The following SMARCA5 variants were observed in gnomAD, a reference collection of about 807,000 sequenced individuals.
The protein encoded by SMARCA5 is SWI/SNF-related matrix-associated actin-dependent regulator of chromatin subfamily A member 5.
A neutral mutation model predicts 140.4 loss-of-function variants in SMARCA5; 18 were observed. The ratio of observed to expected loss-of-function variants is 0.13; its 90% CI spans 0.09 to 0.19. The LOEUF (loss-of-function observed/expected upper bound fraction) is 0.19, where lower values mean the gene tolerates loss of function less well. Ranked by LOEUF, SMARCA5 falls within the 10% of genes least tolerant of loss-of-function variation. The pLI, the probability that SMARCA5 is intolerant of heterozygous loss-of-function variation, is 1.00. For synonymous variants in SMARCA5, 449 were observed against 419.6 expected, an observed-to-expected ratio of 1.07 and a Z score of -0.86; for missense variants, 606 against 1,276.8, an observed-to-expected ratio of 0.47 and a Z score of 8.01.
intron 9 of SMARCA5, among the ~76,000 whole-genome samples, chr4:143,534,034 A>G (rs908072378): frequency 2.6e-5 from 4 of 152,216 alleles, no homozygotes; most frequent in Admixed American, 1.3e-4. Context: ...GAAGTCTATC[A>G]ATAAACACCG....
chr4:143,522,196 C>A (rs1191126661), intron 3 of SMARCA5, among the ~76,000 whole-genome samples: 1 of 152,048 alleles, frequency 6.6e-6, no homozygotes, highest in Admixed American at 6.5e-5. Context: ...ATCACGGCAG[C>A]CTGTTTAAAA....
chr4:143,536,702 A>G (rs1270775012), intron 11 of SMARCA5, 24 bp downstream of exon 11: 1 of 1,512,152 alleles, frequency 6.6e-7, no homozygotes, highest in Admixed American at 1.7e-5. Flanking sequence ...GTATCAAATT[A>G]TCAAAACTGT....
chr4:143,525,605 T>C (rs1045160415), intron 5 of SMARCA5, 54 bp downstream of exon 5: 47 of 1,214,298 alleles, frequency 3.9e-5, no homozygotes, highest in Non-Finnish European at 4.8e-5. Context: ...AAATATCTTA[T>C]ACGTTGATAA....
Position 143,543,536 on chromosome 4 carries a change from A to C in SMARCA5, c.1931A>C (p.Lys644Thr). 6.2e-7 allele frequency: 1 copy of C among 1,613,456 alleles called. No individual in the cohort carries two copies. The highest frequency in any genetic ancestry group is 8.5e-7 in the Non-Finnish European group (1 of 1,179,692). ...AGGCTTGTGGATCAGAATCTGAACAAAATTGGGAAAGATGAAATGCTTCAA... is the reference window on the plus strand; with the variant it reads ...AGGCTTGTGGATCAGAATCTGAACACAATTGGGAAAGATGAAATGCTTCAA... ...QGRLVDQNLNKIGKDEMLQMI... is the reference protein window; with the variant it reads ...QGRLVDQNLNTIGKDEMLQMI... Residue 644 changes from lysine to threonine, a missense_variant, in exon 15 of 24, where the codon AAA (lysine) becomes ACA (threonine). Lys to Thr is a moderately conservative substitution (Grantham distance 78). Around this residue, in one of 10 missense-constraint regions of SMARCA5, gnomAD observed 62 missense variants for 256.6 expected, o/e 0.24. Coordinates refer to ENST00000283131, the MANE Select transcript of SMARCA5 (RefSeq NM_003601.4).
chr4:143,532,477 A>T (rs1737209520), intron 9 of SMARCA5, among the ~76,000 whole-genome samples: 1 of 152,172 alleles, frequency 6.6e-6, no homozygotes, highest in Admixed American at 6.5e-5. Context: ...GGTATTTTGA[A>T]AATGCTTATG....
chr4:143,542,725 T>A (rs1387390772), intron 14 of SMARCA5, among the ~76,000 whole-genome samples: 1 of 152,226 alleles, frequency 6.6e-6, no homozygotes, highest in African/African-American at 2.4e-5. Context: ...TTTGTTTTTT[T>A]ATACCTGTAT....
At chr4:143,541,761 G>A (rs879360839) in intron 14 of SMARCA5, among the ~76,000 whole-genome samples, 1 of 152,170 alleles carries the variant, frequency 6.6e-6, no homozygotes, top group Non-Finnish European at 1.5e-5. Flanking sequence ...TCTCATGGGT[G>A]ATATAATGGC....
chr4:143,525,791 A>G (rs994798168), intron 5 of SMARCA5, among the ~76,000 whole-genome samples: 2 of 152,234 alleles, frequency 1.3e-5, no homozygotes, highest in South Asian at 2.1e-4. Context: ...GATGACTTTT[A>G]TAGTACAATG....
In SMARCA5 at chr4:143,534,801, A is replaced by G. The variant is rs1457010820; in HGVS notation, c.1159-54A>G. ...TTATATACAATTCTAAGATGCTGAA[A>G]TATGACCTTATGTGTAATATTGGTA... On this transcript the variant is annotated intron_variant, in intron 9 of 23. Coordinates refer to ENST00000283131, the MANE Select transcript of SMARCA5 (RefSeq NM_003601.4). The G allele has an allele frequency of 2.4e-6, 3 of 1,267,050 alleles. No individual in the cohort carries two copies. The African/African-American group carries it at 4.6e-5, about 19-fold the overall frequency. 78.5% of individuals were successfully genotyped at this position (1,267,050 alleles called of 1,614,324 possible).
In SMARCA5 at chr4:143,534,910, C is replaced by T. The variant is rs780599494; in HGVS notation, c.1214C>T (p.Pro405Leu). Residue 405 changes from proline to leucine, a missense_variant, in exon 10 of 24, where the codon CCT becomes CTT. Physicochemically the swap from Pro to Leu is moderately conservative, Grantham distance 98. Transcript: ENST00000283131. ...AAGGCTGATGTTGAAAAGAGTTTGC[C>T]TCCAAAGAAGGAAGTAAAAATCTAT... ...RIKADVEKSL[P>L]PKKEVKIYVG... is the part of the protein sequence containing the mutation. The T allele has an allele frequency of 1.9e-6, 3 of 1,613,200 alleles. No individual in the cohort carries two copies. The highest frequency in any genetic ancestry group is 2.5e-6 in the Non-Finnish European group (3 of 1,179,608).
chr4:143,514,182 G>A (rs1173161573), intron 1 of SMARCA5, 81 bp downstream of exon 1: 9 of 1,307,910 alleles, frequency 6.9e-6, no homozygotes, highest in Non-Finnish European at 9.2e-6. Context: ...GCGATCGGAC[G>A]CAGAGCCGGG....
chr4:143,527,179 A>C (rs1737091840), intron 6 of SMARCA5, among the ~76,000 whole-genome samples: 1 of 152,208 alleles, frequency 6.6e-6, no homozygotes, highest in Admixed American at 6.5e-5. Context: ...ATCAGTTGAC[A>C]ACATCCTTGT....
Position 143,546,758 on chromosome 4 carries a change from G to A in SMARCA5, c.2521-18G>A. The A allele has an allele frequency of 6.3e-7, 1 of 1,597,156 alleles. No homozygotes were observed. The highest frequency in any genetic ancestry group is 1.1e-5 in the South Asian group (1 of 87,966). On this transcript the variant is annotated intron_variant, in intron 19 of 23. Coordinates refer to ENST00000283131, the MANE Select transcript of SMARCA5 (RefSeq NM_003601.4). ...TTAATGTGCTGTGATTAAATATTTT[G>A]TTTCTGTTCCTGTGAAGGGATTTAC...
chr4:143,543,353 CA>C (rs2149823862), intron 14 of SMARCA5, among the ~76,000 whole-genome samples, 155 bp from the exon 15 acceptor site: 2 of 152,044 alleles, frequency 1.3e-5, no homozygotes, highest in East Asian at 3.9e-4. Flanking sequence ...AAATTTAGTG[CA>C]AAAATCAAAA....
chr4:143,524,591 G>A, intron 4 of SMARCA5, 124 bp downstream of exon 4: 1 of 605,876 alleles, frequency 1.7e-6, no homozygotes, highest in South Asian at 2.1e-5. Flanking sequence ...ATGTTTATTG[G>A]TTATGAAATA....
chr4:143,527,838 G>A (rs184313154), intron 6 of SMARCA5, 30 bp from the exon 7 acceptor site: 99 of 1,567,404 alleles, frequency 6.3e-5, no homozygotes, highest in East Asian at 2.7e-4. Context: ...TTATTTCTAC[G>A]TGATGTAATT....
At position 143,548,060 on chromosome 4, in the gene SMARCA5, G is replaced by C; in HGVS notation, c.2905G>C (p.Val969Leu). ...CAAACTTGGATTTGACAAAGAAAAT[G>C]TTTATGATGAATTGCGACAGTGTAT... Reference protein sequence around the residue: ...LHKLGFDKENVYDELRQCIRN... With the variant: ...LHKLGFDKENLYDELRQCIRN... Residue 969 changes from valine to leucine, a missense_variant, in exon 22 of 24, where the codon GTT becomes CTT. Around this residue, in one of 10 missense-constraint regions of SMARCA5, gnomAD observed 121 missense variants for 227.1 expected, o/e 0.53. Transcript: ENST00000283131. 1 of 1,612,926 alleles carries C rather than the reference G, an allele frequency of 6.2e-7. No individual in the cohort carries two copies. Among genetic ancestry groups the C allele is most frequent in the Non-Finnish European group, 8.5e-7 (1 of 1,179,218 alleles).
intron 19 of SMARCA5, 50 bp downstream of exon 19, chr4:143,546,097 CTG>C (rs1737518887): frequency 2.1e-6 from 3 of 1,444,502 alleles, no homozygotes; most frequent in African/African-American, 1.5e-5. Flanking sequence ...TTGTAAAGGA[CTG>C]TGTTAGGTTA....
rs70953739 is a variant in SMARCA5 at position 143,550,225 on chromosome 4, C to CTTT, written c.3093+139_3093+141dup. ...GTTGTGCACCCCTCCATTGCCTTTA[C>CTTT]TTTTTTTTTTTTTTTTTTTTCCTTA... On this transcript the variant is annotated intron_variant, in intron 23 of 23. Transcript: ENST00000283131. The CTTT allele has an allele frequency of 8.2e-3, 1,769 of 214,844 alleles. 2 individuals are homozygous for CTTT. The highest frequency in any genetic ancestry group is 0.01 in the Non-Finnish European group (1,222 of 120,504). 13.3% of individuals were successfully genotyped at this position (214,844 alleles called of 1,614,324 possible).
Sources: gnomAD v4.1 joint callset for allele counts (sites outside exome capture counted in the v4.1 genomes callset) on GRCh38, gnomAD v4.1.1 for gene constraint, gnomAD v4.1.1 regional missense constraint, MANE v1.5 for transcripts, NCBI Gene and HGNC (gene_info 2026-07-23, HGNC 2026-07-21) for gene names.